The following BNC2 variants were observed in gnomAD, a reference collection of about 807,000 sequenced individuals.
The protein encoded by BNC2 is zinc finger protein basonuclin-2.
Under a neutral mutation model 76.3 loss-of-function variants are expected in BNC2, and 20 were observed. The ratio of observed to expected loss-of-function variants is 0.26; its 90% CI spans 0.18 to 0.38. The LOEUF (loss-of-function observed/expected upper bound fraction) is 0.38. Ranked by LOEUF, BNC2 falls within the 10% of genes least tolerant of loss-of-function variation. The pLI is 1.00. For missense variants in BNC2, 1,382 were observed against 1,399.8 expected (o/e 0.99, Z 0.20); for synonymous variants, 582 against 514.8 (o/e 1.13, Z -1.77).
At chr9:16,655,634 T>A (rs547314868) in intron 3 of BNC2, among the ~76,000 whole-genome samples, 2 of 152,374 alleles carry the variant, frequency 1.3e-5, no homozygotes, top group East Asian at 3.9e-4. Context: ...AAATCGAGTC[T>A]CTTTTTGAAA....
intron 3 of BNC2, among the ~76,000 whole-genome samples, chr9:16,664,038 AC>A (rs1822191574): frequency 6.6e-6 from 1 of 152,134 alleles, no homozygotes; most frequent in African/African-American, 2.4e-5. Context: ...TGAAAACTTA[AC>A]CCTCCATTGA....
chr9:16,536,584 C>A (rs575423813), intron 5 of BNC2, among the ~76,000 whole-genome samples: 8 of 152,060 alleles, frequency 5.3e-5, no homozygotes, highest in Non-Finnish European at 1.0e-4. Flanking sequence ...TTCCCCTTCT[C>A]CTTCAGTCTT....
intron 3 of BNC2, among the ~76,000 whole-genome samples, chr9:16,675,354 A>G (rs1401440529): frequency 6.6e-6 from 1 of 152,086 alleles, no homozygotes; most frequent in Non-Finnish European, 1.5e-5. Flanking sequence ...TCCGGGCTCA[A>G]GTGATGCTCC....
intron 5 of BNC2, among the ~76,000 whole-genome samples, chr9:16,547,942 A>G (rs1159486367): frequency 6.6e-6 from 1 of 152,140 alleles, no homozygotes; most frequent in Non-Finnish European, 1.5e-5. Context: ...GTTACTCCCA[A>G]ATCTAAAGCT....
At chr9:16,780,070 A>G (rs1197736929) in intron 1 of BNC2, among the ~76,000 whole-genome samples, 2 of 151,250 alleles carry the variant, frequency 1.3e-5, no homozygotes, top group African/African-American at 4.9e-5. Flanking sequence ...CCCCATCTCT[A>G]CTAAAAATAC....
At chr9:16,573,623 G>A (rs577500814) in intron 4 of BNC2, among the ~76,000 whole-genome samples, 1 of 152,226 alleles carries the variant, frequency 6.6e-6, no homozygotes, top group African/African-American at 2.4e-5. Context: ...AGCGTCACTT[G>A]ACTGTACAGA....
intron 1 of BNC2, among the ~76,000 whole-genome samples, chr9:16,784,688 A>G (rs1306036165): frequency 6.6e-6 from 1 of 152,240 alleles, no homozygotes. Flanking sequence ...CTCAATCACT[A>G]GAGTATCCTA....
intron 3 of BNC2, among the ~76,000 whole-genome samples, chr9:16,627,976 G>T (rs1047948886): frequency 2.0e-5 from 3 of 152,114 alleles, no homozygotes; most frequent in Non-Finnish European, 4.4e-5. Flanking sequence ...ACATTTTACG[G>T]TGTACAATTT....
rs551530494 is a variant in BNC2 at position 16,714,983 on chromosome 9, C to A, written c.330+12814G>T. On this transcript the variant is annotated intron_variant, in intron 3 of 6. Coordinates refer to ENST00000380672, the MANE Select transcript of BNC2 (RefSeq NM_017637.6). ...AAGCAGGTATAAAATATTGGCCTTG[C>A]ATGAATTAGTAGGGGGAAGTTTTCC... Among the ~76,000 whole-genome samples the A allele has an allele frequency of 3.3e-5, 5 of 152,252 alleles. No homozygotes were observed. In the South Asian group the frequency reaches 1.0e-3, roughly 32 times the overall value.
chr9:16,498,420 A>G (rs1042343866), intron 5 of BNC2, among the ~76,000 whole-genome samples: 7 of 151,270 alleles, frequency 4.6e-5, no homozygotes, highest in African/African-American at 1.7e-4. Flanking sequence ...TTAGGAATGG[A>G]AAACCAAACA....
chr9:16,749,335 T>A (rs1825112374), intron 1 of BNC2, among the ~76,000 whole-genome samples: 1 of 152,156 alleles, frequency 6.6e-6, no homozygotes, highest in African/African-American at 2.4e-5. Context: ...GTTATTTGGT[T>A]AAAAGAGCAA....
intron 1 of BNC2, among the ~76,000 whole-genome samples, chr9:16,746,204 T>A (rs1452055163): frequency 6.6e-6 from 1 of 152,214 alleles, no homozygotes; most frequent in Non-Finnish European, 1.5e-5. Flanking sequence ...TCTAGTAGTA[T>A]ACCAGATTTA....
intron 5 of BNC2, among the ~76,000 whole-genome samples, chr9:16,471,850 C>G (rs112348343): frequency 0.044 from 6,659 of 152,104 alleles, 471 homozygotes; most frequent in African/African-American, 0.15. Context: ...TTGTAGGAGG[C>G]ACCGAGGGGG....
intron 1 of BNC2, among the ~76,000 whole-genome samples, chr9:16,810,523 G>A (rs1308196711): frequency 6.6e-6 from 1 of 152,250 alleles, no homozygotes; most frequent in African/African-American, 2.4e-5. Flanking sequence ...CAGGAGTTAA[G>A]CAGTGATGCA....
At chr9:16,786,714 G>C (rs1826304067) in intron 1 of BNC2, among the ~76,000 whole-genome samples, 1 of 152,116 alleles carries the variant, frequency 6.6e-6, no homozygotes, top group Admixed American at 6.6e-5. Flanking sequence ...CCAAATGTGG[G>C]GGGCAGAGTC....
At chr9:16,537,512 G>C (rs1449589716) in intron 5 of BNC2, among the ~76,000 whole-genome samples, 1 of 151,872 alleles carries the variant, frequency 6.6e-6, no homozygotes, top group Non-Finnish European at 1.5e-5. Context: ...TATCAAAAAT[G>C]AAAGAAAGAA....
At chr9:16,585,454 G>C (rs1024006147) in intron 3 of BNC2, among the ~76,000 whole-genome samples, 1 of 151,972 alleles carries the variant, frequency 6.6e-6, no homozygotes, top group African/African-American at 2.4e-5. Flanking sequence ...TATCCATTTT[G>C]TATATCTATG....
chr9:16,705,823 C>T (rs1823652336), intron 3 of BNC2, among the ~76,000 whole-genome samples: 1 of 152,176 alleles, frequency 6.6e-6, no homozygotes, highest in Non-Finnish European at 1.5e-5. Context: ...ATTTACAAAA[C>T]ACCCAGAAAC....
chr9:16,742,842 A>G (rs752850607), intron 1 of BNC2, among the ~76,000 whole-genome samples: 9 of 152,184 alleles, frequency 5.9e-5, no homozygotes, highest in Admixed American at 3.3e-4. Flanking sequence ...CAGAAGTGCA[A>G]TAAGAGTCAA....
Sources: allele counts gnomAD v4.1 joint callset (sites outside exome capture counted in the v4.1 genomes callset), GRCh38; gene constraint gnomAD v4.1.1; transcripts MANE v1.5; gene names NCBI Gene and HGNC (gene_info 2026-07-23, HGNC 2026-07-21).